The following BNC2 variants were observed in gnomAD, a reference collection of about 807,000 sequenced individuals.
BNC2 encodes the protein zinc finger protein basonuclin-2.
Under a neutral mutation model 76.3 loss-of-function variants are expected in BNC2, and 20 were observed. The observed-to-expected ratio is 0.26, with a 90% CI of 0.18 to 0.38. The LOEUF is 0.38. BNC2 is among the 10% of genes least tolerant of loss of function. The pLI is 1.00. For synonymous variants in BNC2, 582 were observed against 514.8 expected (o/e 1.13, Z -1.77); for missense variants, 1,382 against 1,399.8 (o/e 0.99, Z 0.20).
intron 1 of BNC2, among the ~76,000 whole-genome samples, chr9:16,842,134 T>C (rs559146724): frequency 6.6e-6 from 1 of 152,298 alleles, no homozygotes; most frequent in South Asian, 2.1e-4. Flanking sequence ...AATGCACATA[T>C]TTTTTGGAGT....
intron 5 of BNC2, among the ~76,000 whole-genome samples, chr9:16,525,242 C>A (rs1436350465): frequency 6.6e-6 from 1 of 151,698 alleles, no homozygotes; most frequent in Non-Finnish European, 1.5e-5. Context: ...GGTAATAAAA[C>A]CACACAAAAC....
chr9:16,784,352 G>C (rs926720011), intron 1 of BNC2, among the ~76,000 whole-genome samples: 1 of 152,108 alleles, frequency 6.6e-6, no homozygotes, highest in African/African-American at 2.4e-5. Flanking sequence ...ACTACTAAAA[G>C]TAAATAAAGT....
chr9:16,780,235 CAA>C lies in BNC2; in HGVS notation c.4-41752_4-41751del, dbSNP rs372583425. Among the ~76,000 whole-genome samples the C allele has an allele frequency of 7.1e-3, 472 of 66,270 alleles. 4 individuals are homozygous for C. The East Asian group carries it at 0.085, about 12-fold the overall frequency. 43.5% of individuals were successfully genotyped at this position (66,270 alleles called of 152,430 possible). On this transcript the variant is annotated intron_variant, in intron 1 of 6. Transcript: ENST00000380672. ...TGGGTGACAGAGCAAGACTTCGTTT[CAA>C]AAAAAAAAAAAAAAAAAAACAAAAA...
intron 6 of BNC2, among the ~76,000 whole-genome samples, chr9:16,430,971 T>C (rs1303609738): frequency 6.6e-6 from 1 of 152,192 alleles, no homozygotes; most frequent in African/African-American, 2.4e-5. Context: ...AAATCATCTT[T>C]CTACAACTTG....
At chr9:16,678,379 G>A (rs1052133554) in intron 3 of BNC2, among the ~76,000 whole-genome samples, 1 of 134,294 alleles carries the variant, frequency 7.4e-6, no homozygotes, top group East Asian at 2.4e-4. Context: ...CCCAATTCTC[G>A]TGCCTCAGCC....
rs773920007 is a variant in BNC2 at position 16,435,546 on chromosome 9, T to G, written c.2639+9A>C. ...CCCCAGCAGGAGCAGCCAATGGAGA[T>G]TTACTGACCTGTCTCGGCTTCGGCG... On this transcript the variant is annotated intron_variant, in intron 6 of 6. Coordinates refer to ENST00000380672, the MANE Select transcript of BNC2 (RefSeq NM_017637.6). 2 of 1,613,310 alleles carry G rather than the reference T, an allele frequency of 1.2e-6. No individual in the cohort carries two copies. The highest frequency in any genetic ancestry group is 2.7e-5 in the African/African-American group (2 of 74,880).
At chr9:16,788,329 A>T (rs10756814) in intron 1 of BNC2, among the ~76,000 whole-genome samples, 6 of 151,024 alleles carry the variant, frequency 4.0e-5, no homozygotes, top group Admixed American at 6.6e-5. Flanking sequence ...CAAGGTGGGC[A>T]GATCATGAAG....
intron 1 of BNC2, chr9:16,775,715 A>G (rs1388452330): frequency 4.9e-5 from 11 of 222,598 alleles, no homozygotes; most frequent in East Asian, 3.4e-4. Context: ...TACTTGCTGG[A>G]GGGGTGTGTC....
At chr9:16,488,907 T>C (rs924231369) in intron 5 of BNC2, among the ~76,000 whole-genome samples, 1 of 152,170 alleles carries the variant, frequency 6.6e-6, no homozygotes, top group African/African-American at 2.4e-5. Context: ...AATCATTAAA[T>C]CATCTATATT....
At chr9:16,796,581 A>T (rs982562984) in intron 1 of BNC2, among the ~76,000 whole-genome samples, 1 of 129,992 alleles carries the variant, frequency 7.7e-6, no homozygotes, top group African/African-American at 4.2e-5. Context: ...CAAAAAAAAA[A>T]GAAAGAAAAG....
rs925788581 is a variant in BNC2 at position 16,498,572 on chromosome 9, G to A, written c.669+53958C>T. ...ACTACAAATATGGTACAGTGTATACGGCTGATGGGTGCACCAAAATCTCAT... is the reference window on the plus strand; with the variant it reads ...ACTACAAATATGGTACAGTGTATACAGCTGATGGGTGCACCAAAATCTCAT... On this transcript the variant is annotated intron_variant, in intron 5 of 6. Coordinates refer to ENST00000380672, the MANE Select transcript of BNC2 (RefSeq NM_017637.6). Among the ~76,000 whole-genome samples the A allele has an allele frequency of 2.6e-5, 4 of 151,416 alleles. 1 individual carries two copies. In the South Asian group the frequency reaches 6.2e-4, roughly 24 times the overall value.
At chr9:16,498,231 A>G (rs973400424) in intron 5 of BNC2, among the ~76,000 whole-genome samples, 8 of 141,682 alleles carry the variant, frequency 5.6e-5, no homozygotes, top group Non-Finnish European at 1.1e-4. Context: ...TCATATATAT[A>G]TATTCCATCA....
At chr9:16,667,090 C>CAA (rs1822318284) in intron 3 of BNC2, among the ~76,000 whole-genome samples, 1 of 151,518 alleles carries the variant, frequency 6.6e-6, no homozygotes, top group Non-Finnish European at 1.5e-5. Flanking sequence ...TACACACACA[C>CAA]ACACACACAC....
intron 3 of BNC2, among the ~76,000 whole-genome samples, chr9:16,622,054 T>A (rs1248466414): frequency 6.6e-6 from 1 of 152,178 alleles, no homozygotes; most frequent in African/African-American, 2.4e-5. Flanking sequence ...CATTTCAATC[T>A]CTTGTTGGTT....
intron 1 of BNC2, among the ~76,000 whole-genome samples, chr9:16,765,554 T>C (rs186944166): frequency 5.1e-4 from 78 of 152,278 alleles, no homozygotes; most frequent in African/African-American, 1.7e-3. Flanking sequence ...AGCTGAAATA[T>C]GTTAGGTAAT....
rs575316102 is a variant in BNC2 at position 16,651,000 on chromosome 9, C to T, written c.331-67915G>A. ...TAAAAACAACCATTTCTATATGCCT[C>T]GGTTTCCTCACCAGAAAGGATAGTA... On this transcript the variant is annotated intron_variant, in intron 3 of 6. Coordinates refer to ENST00000380672, the MANE Select transcript of BNC2 (RefSeq NM_017637.6). Among the ~76,000 whole-genome samples the T allele has an allele frequency of 4.3e-4, 66 of 152,234 alleles. 4 individuals carry two copies. In the South Asian group the frequency reaches 0.012, roughly 29 times the overall value.
intron 3 of BNC2, among the ~76,000 whole-genome samples, chr9:16,664,213 T>G (rs191773298): frequency 4.6e-5 from 7 of 152,174 alleles, no homozygotes; most frequent in Non-Finnish European, 8.8e-5. Context: ...TGCTCCACGT[T>G]ATTGATTTCC....
In BNC2 at chr9:16,600,554, T is replaced by C. The variant is rs568027460; in HGVS notation, c.331-17469A>G. Among the ~76,000 whole-genome samples, 36 of 152,302 alleles carry C rather than the reference T, an allele frequency of 2.4e-4. No individual in the cohort carries two copies. In the South Asian group the frequency reaches 7.5e-3, roughly 32 times the overall value. Reference sequence around the variant, plus strand: ...TCCTTAATCAGAAAATAACAGATTTTAAAGTTAAGGTATACATGCTTCCTC... The same window carrying C: ...TCCTTAATCAGAAAATAACAGATTTCAAAGTTAAGGTATACATGCTTCCTC... On this transcript the variant is annotated intron_variant, in intron 3 of 6. Transcript: ENST00000380672.
chr9:16,478,586 C>T (rs1821977413), intron 5 of BNC2, among the ~76,000 whole-genome samples: 1 of 152,174 alleles, frequency 6.6e-6, no homozygotes. Flanking sequence ...TCTTATTCTT[C>T]AATGAACAGT....
Sources: gnomAD v4.1 joint callset for allele counts (sites outside exome capture counted in the v4.1 genomes callset) on GRCh38, gnomAD v4.1.1 for gene constraint, MANE v1.5 for transcripts, NCBI Gene and HGNC (gene_info 2026-07-23, HGNC 2026-07-21) for gene names.